MYO9A: variants seen among roughly 807,000 people sequenced by gnomAD.
MYO9A encodes the protein myosin IXA, also known as unconventional myosin-IXa.
MYO9A carries 103 observed loss-of-function variants against 293.3 expected under a neutral mutation model. The ratio of observed to expected loss-of-function variants is 0.35; its 90% CI spans 0.30 to 0.41. The LOEUF (loss-of-function observed/expected upper bound fraction) is 0.41. MYO9A is among the 10% of genes least tolerant of loss of function. The pLI, the probability that MYO9A is intolerant of heterozygous loss-of-function variation, is 1.00. For synonymous variants in MYO9A, 1,001 were observed against 1,035.7 expected (o/e 0.97, Z 0.64); for missense variants, 2,685 against 3,033.0 (o/e 0.89, Z 2.69).
intron 13 of MYO9A, among the ~76,000 whole-genome samples, chr15:71,965,922 G>A (rs527505226): frequency 1.3e-5 from 2 of 151,898 alleles, no homozygotes; most frequent in Admixed American, 1.3e-4. Context: ...TCTTTCTCAG[G>A]CTGGAGTGAA....
chr15:71,929,441 C>T (rs1324551576), intron 18 of MYO9A, among the ~76,000 whole-genome samples: 2 of 152,082 alleles, frequency 1.3e-5, no homozygotes, highest in Admixed American at 6.5e-5. Flanking sequence ...TCACATATCG[C>T]CTAATTATAT....
chr15:71,860,677 A>C lies in MYO9A; in HGVS notation c.6092-881T>G, dbSNP rs2056080653. ...AGTTAGCTAATTCTATTAAAAAATC[A>C]AATCAGGCCAGGCACAGTGGCTCAT... On this transcript the variant is annotated intron_variant, in intron 33 of 41. Coordinates refer to ENST00000356056, the MANE Select transcript of MYO9A (RefSeq NM_006901.4). Among the ~76,000 whole-genome samples, 3 of 152,146 alleles carry C rather than the reference A, an allele frequency of 2.0e-5. No homozygotes were observed. In the South Asian group the frequency reaches 6.2e-4, roughly 32 times the overall value.
In MYO9A at chr15:71,826,984, A is replaced by G; in HGVS notation, c.7243T>C (p.Leu2415=). 2 of 1,613,112 alleles carry G rather than the reference A, an allele frequency of 1.2e-6. No individual in the cohort carries two copies. The highest frequency in any genetic ancestry group is 1.7e-6 in the Non-Finnish European group (2 of 1,179,600). ...TGCTGCTTTTTAAGTTGCTTTCGCA[A>G]CTTGCTGGAAGGTTCAGACTTGCCA... ...TAGKSEPSSK[L]RKQLKKQQDS... is the part of the protein sequence containing the mutation. Residue 2415 remains leucine (L), a synonymous_variant, in exon 42 of 42, where the codon TTG becomes CTG. Coordinates refer to ENST00000356056, the MANE Select transcript of MYO9A (RefSeq NM_006901.4).
chr15:71,843,517 C>T (rs1327142694), intron 39 of MYO9A, among the ~76,000 whole-genome samples: 3 of 152,180 alleles, frequency 2.0e-5, no homozygotes, highest in Non-Finnish European at 4.4e-5. Context: ...AAGACAGGGT[C>T]TCACTCTGTC....
chr15:71,843,119 C>T (rs2055235501), intron 39 of MYO9A, among the ~76,000 whole-genome samples: 1 of 152,038 alleles, frequency 6.6e-6, no homozygotes. Flanking sequence ...ACTCTCCTAT[C>T]TCTTCTTCTT....
intron 26 of MYO9A, chr15:71,892,707 A>C: frequency 4.2e-6 from 1 of 235,698 alleles, no homozygotes; most frequent in South Asian, 5.8e-5. Flanking sequence ...ACTGCTCTAG[A>C]CCTTTTAGGA....
Position 71,904,952 on chromosome 15 carries a change from T to C in MYO9A, c.2740A>G (p.Lys914Glu), listed in dbSNP as rs747162007. Reference protein sequence around the residue: ...TLGQAEPYFVKCIRSNAEKLP... With the variant: ...TLGQAEPYFVECIRSNAEKLP... ...TTTTCAGCATTAGAGCGAATGCATT[T>C]TACAAAATATGGTTCTGCTTGACCA... Residue 914 changes from lysine to glutamate, a missense_variant, in exon 20 of 42, where the codon AAA (lysine) becomes GAA (glutamate). Coordinates refer to ENST00000356056, the MANE Select transcript of MYO9A (RefSeq NM_006901.4). The C allele has an allele frequency of 6.2e-7, 1 of 1,605,562 alleles. No individual in the cohort carries two copies. The highest frequency in any genetic ancestry group is 8.5e-7 in the Non-Finnish European group (1 of 1,174,392).
chr15:72,107,965 C>T (rs2151060347), intron 1 of MYO9A, among the ~76,000 whole-genome samples: 1 of 152,254 alleles, frequency 6.6e-6, no homozygotes, highest in South Asian at 2.1e-4. Context: ...CTGTTGTTCA[C>T]TCCCAGTTGA....
At chr15:72,071,270 A>C (rs1433840356) in intron 1 of MYO9A, among the ~76,000 whole-genome samples, 1 of 152,228 alleles carries the variant, frequency 6.6e-6, no homozygotes, top group Admixed American at 6.5e-5. Context: ...GATGACATAC[A>C]AGCAGCCAAC....
chr15:72,022,248 G>A (rs548402610), intron 4 of MYO9A, among the ~76,000 whole-genome samples: 18 of 152,236 alleles, frequency 1.2e-4, no homozygotes, highest in South Asian at 4.2e-4. Context: ...TTGGCCAGGC[G>A]TGGTGGCTCA....
intron 13 of MYO9A, 40 bp downstream of exon 13, chr15:71,967,944 T>C (rs372607044): frequency 1.3e-6 from 2 of 1,570,888 alleles, no homozygotes; most frequent in Middle Eastern, 1.7e-4. Context: ...TAAGAACACA[T>C]CTCTGCCCTG....
chr15:71,897,385 T>C (rs764129456), intron 25 of MYO9A, 76 bp downstream of exon 25: 5 of 1,421,440 alleles, frequency 3.5e-6, no homozygotes, highest in Non-Finnish European at 4.7e-6. Flanking sequence ...CACAAATAGT[T>C]GGAGCAGAAC....
At chr15:72,055,275 A>G (rs1351240618) in intron 1 of MYO9A, among the ~76,000 whole-genome samples, 1 of 152,204 alleles carries the variant, frequency 6.6e-6, no homozygotes, top group Non-Finnish European at 1.5e-5. Context: ...AAATGTTAAT[A>G]GTTGGCAGGC....
Position 72,112,152 on chromosome 15 carries a change from TAC to T in MYO9A, c.-72+5526_-72+5527del, listed in dbSNP as rs560061015. 1.4e-3 allele frequency among the ~76,000 whole-genome samples: 216 copies of T among 152,218 alleles called. 1 individual carries two copies. Among genetic ancestry groups the T allele is most frequent in the African/African-American group, 4.9e-3 (204 of 41,538 alleles). ...ATATATTCAAAGAGCTACACAATCT[TAC>T]AGTTTAAGAAAAATCAAAACTGAGA... is the stretch of plus-strand genomic sequence containing the variant. On this transcript the variant is annotated intron_variant, in intron 1 of 41. Coordinates refer to ENST00000356056, the MANE Select transcript of MYO9A (RefSeq NM_006901.4).
chr15:71,839,715 C>G (rs983414316), intron 39 of MYO9A, among the ~76,000 whole-genome samples: 2 of 152,074 alleles, frequency 1.3e-5, no homozygotes, highest in South Asian at 4.1e-4. Flanking sequence ...TGGCCTGAAT[C>G]GGCTTTTTTT....
chr15:71,939,809 C>A (rs2058729958), intron 15 of MYO9A, among the ~76,000 whole-genome samples: 1 of 152,070 alleles, frequency 6.6e-6, no homozygotes, highest in Non-Finnish European at 1.5e-5. Context: ...GTAAGATACA[C>A]TGGAAAAAGG....
At chr15:72,021,286 G>C (rs929705819) in intron 4 of MYO9A, among the ~76,000 whole-genome samples, 1 of 152,090 alleles carries the variant, frequency 6.6e-6, no homozygotes, top group African/African-American at 2.4e-5. Flanking sequence ...TGAGAAATCT[G>C]GCAAATCTGT....
intron 39 of MYO9A, among the ~76,000 whole-genome samples, chr15:71,841,548 T>C (rs1173344032): frequency 6.6e-6 from 1 of 152,220 alleles, no homozygotes; most frequent in Admixed American, 6.5e-5. Flanking sequence ...CTTGCATTCC[T>C]AGGTTAAACC....
At chr15:71,906,759 T>TTTC (rs1491239541) in intron 19 of MYO9A, among the ~76,000 whole-genome samples, 976 of 47,366 alleles carry the variant, frequency 0.021, 13 homozygotes, top group Non-Finnish European at 0.039. Flanking sequence ...CATTTCTTTC[T>TTTC]TTTTTTTTTT....
Sources: gnomAD v4.1 joint callset for allele counts (sites outside exome capture counted in the v4.1 genomes callset) on GRCh38, gnomAD v4.1.1 for gene constraint, MANE v1.5 for transcripts, NCBI Gene and HGNC (gene_info 2026-07-23, HGNC 2026-07-21) for gene names.